NEBL: variants seen among roughly 807,000 people sequenced by gnomAD.
NEBL encodes LIM and SH3 protein 2.
Under a neutral mutation model 140.2 loss-of-function variants are expected in NEBL, and 122 were observed. That is an observed-to-expected ratio of 0.87 (90% CI 0.75 to 1.01). The LOEUF is 1.01. Ranked by LOEUF, NEBL falls within the 50% of genes least tolerant of loss-of-function variation. The pLI is 0.00. For synonymous variants in NEBL, 436 were observed against 398.9 expected, an observed-to-expected ratio of 1.09 and a Z score of -1.11; for missense variants, 1,365 against 1,231.3, an observed-to-expected ratio of 1.11 and a Z score of -1.62.
chr10:20,842,696 A>G (rs189555686), intron 12 of NEBL, among the ~76,000 whole-genome samples: 1 of 152,152 alleles, frequency 6.6e-6, no homozygotes, highest in East Asian at 1.9e-4. Context: ...AATCTAAATA[A>G]TATATCCATT....
At chr10:21,007,110 A>G (rs1245746953) in intron 3 of NEBL, among the ~76,000 whole-genome samples, 3 of 151,724 alleles carry the variant, frequency 2.0e-5, no homozygotes, top group African/African-American at 7.3e-5. Flanking sequence ...AATGAAATAC[A>G]GAAAAAAAAA....
intron 2 of NEBL, chr10:21,029,821 G>T: frequency 1.4e-6 from 1 of 708,118 alleles, no homozygotes; most frequent in Non-Finnish European, 2.6e-6. Flanking sequence ...ATCATTCCTG[G>T]ATAGGCAGTG....
intron 3 of NEBL, among the ~76,000 whole-genome samples, chr10:21,182,044 A>C (rs775933848): frequency 2.6e-5 from 4 of 152,194 alleles, no homozygotes; most frequent in Non-Finnish European, 5.9e-5. Context: ...ACCGATCCAG[A>C]ATATTAAGGG....
chr10:21,198,235 T>C (rs1227887249), intron 3 of NEBL, among the ~76,000 whole-genome samples: 1 of 152,174 alleles, frequency 6.6e-6, no homozygotes, highest in Non-Finnish European at 1.5e-5. Context: ...CACCTTGTCC[T>C]CTTAGCTCAT....
chr10:21,067,663 C>A (rs9665295), intron 2 of NEBL, among the ~76,000 whole-genome samples: 14,269 of 152,154 alleles, frequency 0.094, 1,018 homozygotes, highest in African/African-American at 0.2. Flanking sequence ...TCAGCTTAAT[C>A]TGAGAGAGAA....
chr10:21,156,961 T>C (rs1840359349), intron 2 of NEBL, among the ~76,000 whole-genome samples: 1 of 152,202 alleles, frequency 6.6e-6, no homozygotes, highest in Non-Finnish European at 1.5e-5. Flanking sequence ...CATTTGAAAC[T>C]GAAATTCATT....
intron 2 of NEBL, chr10:21,126,002 T>A: frequency 6.2e-7 from 1 of 1,614,200 alleles, no homozygotes; most frequent in Non-Finnish European, 8.5e-7. Flanking sequence ...TTGTAGAGAC[T>A]GAAGCTGACT....
intron 1 of NEBL, among the ~76,000 whole-genome samples, chr10:21,272,486 G>A (rs1199831414): frequency 6.6e-6 from 1 of 151,980 alleles, no homozygotes; most frequent in Non-Finnish European, 1.5e-5. Flanking sequence ...CTACTCACGA[G>A]GCTGAGGTAA....
Position 21,138,720 on chromosome 10 carries a change from C to T in NEBL, c.164+33663G>A, listed in dbSNP as rs45596338. Among the ~76,000 whole-genome samples the T allele has an allele frequency of 3.9e-3, 596 of 151,990 alleles. 2 individuals are homozygous for T. Among genetic ancestry groups the T allele is most frequent in the Non-Finnish European group, 5.8e-3 (391 of 67,986 alleles). ...AGGCTCCGAGAGGTTTGGTAACTTG[C>T]CCAGAGTCACACAGCTAAAAAACTG... On this transcript the variant is annotated intron_variant, in intron 2 of 6. Coordinates refer to the NEBL transcript ENST00000417816.
At chr10:20,949,304 G>A (rs1379514994) in intron 4 of NEBL, among the ~76,000 whole-genome samples, 1 of 152,068 alleles carries the variant, frequency 6.6e-6, no homozygotes, top group East Asian at 1.9e-4. Context: ...TGGGGGATGG[G>A]GGAAAAGCGG....
chr10:21,034,268 T>C (rs572215950), intron 2 of NEBL, among the ~76,000 whole-genome samples: 34 of 150,710 alleles, frequency 2.3e-4, no homozygotes, highest in African/African-American at 8.0e-4. Context: ...TATAAATGTA[T>C]GGCCCAAAAT....
chr10:21,185,544 T>C (rs890215105), intron 3 of NEBL, among the ~76,000 whole-genome samples: 4 of 138,322 alleles, frequency 2.9e-5, no homozygotes, highest in Admixed American at 7.7e-5. Flanking sequence ...GTCGCCCAGG[T>C]TGGAGTGCAG....
chr10:21,046,613 G>T (rs1834523781), intron 2 of NEBL, among the ~76,000 whole-genome samples: 1 of 152,018 alleles, frequency 6.6e-6, no homozygotes, highest in African/African-American at 2.4e-5. Context: ...TTTTTGTTTT[G>T]TTTTTGAGAC....
chr10:21,031,808 A>G (rs376650503), intron 2 of NEBL, among the ~76,000 whole-genome samples: 1 of 152,204 alleles, frequency 6.6e-6, no homozygotes, highest in South Asian at 2.1e-4. Flanking sequence ...TTCTTCCAGG[A>G]CAGAGTATAC....
chr10:20,797,368 C>T (rs1322501748), intron 26 of NEBL, among the ~76,000 whole-genome samples: 1 of 152,022 alleles, frequency 6.6e-6, no homozygotes, highest in Admixed American at 6.5e-5. Flanking sequence ...TAATACTGAC[C>T]CTTAGACAAT....
Position 20,804,392 on chromosome 10 carries a change from G to C in NEBL, c.2761+4118C>G, listed in dbSNP as rs189947077. ...CCTCCTGTTAGTTTTCTTGATAAGT[G>C]GATCATTTGCTTTATCAACCCTCAT... On this transcript the variant is annotated intron_variant, in intron 26 of 27. Transcript: ENST00000377122. 2.0e-5 allele frequency: 3 copies of C among 152,204 alleles called. No individual in the cohort carries two copies. In the East Asian group the frequency reaches 5.8e-4, roughly 29 times the overall value. The allele number at this position is 152,204 out of a possible 1,614,324, so 9.4% of individuals were successfully genotyped here.
chr10:21,118,788 T>C (rs148789430), intron 2 of NEBL, among the ~76,000 whole-genome samples: 3 of 152,178 alleles, frequency 2.0e-5, no homozygotes, highest in Admixed American at 2.0e-4. Context: ...CTCTTTCCTA[T>C]GAATGCATAG....
At chr10:21,045,512 A>G (rs1186881635) in intron 2 of NEBL, among the ~76,000 whole-genome samples, 4 of 152,254 alleles carry the variant, frequency 2.6e-5, no homozygotes, top group Non-Finnish European at 5.9e-5. Flanking sequence ...GGGAGAAAGA[A>G]ACTGAATAGT....
chr10:20,895,425 C>T (rs1458970633), intron 2 of NEBL, among the ~76,000 whole-genome samples: 4 of 152,106 alleles, frequency 2.6e-5, no homozygotes, highest in African/African-American at 9.7e-5. Flanking sequence ...CTATTACTGC[C>T]TCTGCTTAAC....
Sources: allele counts gnomAD v4.1 joint callset (sites outside exome capture counted in the v4.1 genomes callset), GRCh38; gene constraint gnomAD v4.1.1; transcripts MANE v1.5; gene names NCBI Gene and HGNC (gene_info 2026-07-23, HGNC 2026-07-21).